The following RFC4 variants were observed in gnomAD, a reference collection of about 807,000 sequenced individuals.
RFC4 encodes the protein A1 37 kDa subunit.
Under a neutral mutation model 47.6 loss-of-function variants are expected in RFC4, and 38 were observed. The observed-to-expected ratio is 0.80, with a 90% CI of 0.62 to 1.05. The LOEUF is 1.05. RFC4 is among the 50% of genes least tolerant of loss of function. The pLI is 0.00. For synonymous variants in RFC4, 164 were observed against 150.0 expected (o/e 1.09, Z -0.68); for missense variants, 489 against 434.0 (o/e 1.13, Z -1.13).
At chr3:186,797,171 T>C (rs1722258395) in intron 4 of RFC4, among the ~76,000 whole-genome samples, 1 of 152,088 alleles carries the variant, frequency 6.6e-6, no homozygotes, top group South Asian at 2.1e-4. Context: ...GATTCTATCA[T>C]GTAGCCACAC....
Position 186,804,710 on chromosome 3 carries a change from G to C in RFC4, c.4C>G (p.Gln2Glu), listed in dbSNP as rs754151831. 2 of 1,612,300 alleles carry C rather than the reference G, an allele frequency of 1.2e-6. No homozygotes were observed. Among genetic ancestry groups the C allele is most frequent in the South Asian group, 2.2e-5 (2 of 90,582 alleles). The change falls in exon 2 of 11, where the codon CAA becomes GAA. Residue 2 changes from glutamine to glutamate, a missense_variant. Around this residue, in one of 2 missense-constraint regions of RFC4, gnomAD observed 206 missense variants for 257.8 expected, o/e 0.80. Coordinates refer to ENST00000296273, the MANE Select transcript of RFC4 (RefSeq NM_002916.5). M[Q>E]AFLKGTSIST... ...ATGGATGTACCTTTAAGAAATGCTT[G>C]CATGGTACTTCACCCTGGTCAGGTG...
intron 4 of RFC4, among the ~76,000 whole-genome samples, chr3:186,795,163 C>A (rs1722218195): frequency 1.3e-5 from 2 of 152,166 alleles, no homozygotes; most frequent in Non-Finnish European, 1.5e-5. Context: ...TGCCATCACA[C>A]CTGGCTAATT....
intron 4 of RFC4, chr3:186,794,998 A>C: frequency 2.0e-6 from 1 of 511,144 alleles, no homozygotes; most frequent in Non-Finnish European, 3.4e-6. Context: ...TAACATATAC[A>C]ATTTCTTTTC....
At chr3:186,798,510 T>C (rs1198578507) in intron 3 of RFC4, among the ~76,000 whole-genome samples, 1 of 152,066 alleles carries the variant, frequency 6.6e-6, no homozygotes, top group Non-Finnish European at 1.5e-5. Flanking sequence ...CTCTGCTTGC[T>C]ACTTAAAACT....
chr3:186,792,472 GTAA>G lies in RFC4; in HGVS notation c.675+15_675+17del. 5 of 1,597,254 alleles carry G rather than the reference GTAA, an allele frequency of 3.1e-6. No homozygotes were observed. The highest frequency in any genetic ancestry group is 4.3e-6 in the Non-Finnish European group (5 of 1,165,370). ...AAAGGAATTAGTAACTCTAATAATT[GTAA>G]TAATTAGTAATTACCTCATCACTAA... On this transcript the variant is annotated intron_variant, in intron 7 of 10. Transcript: ENST00000296273.
rs772209747 is a variant in RFC4, at chr3:186,794,638, G to C, written c.410+20C>G. 1.9e-6 allele frequency: 3 copies of C among 1,610,612 alleles called. No homozygotes were observed. Among genetic ancestry groups the C allele is most frequent in the African/African-American group, 2.7e-5 (2 of 74,782 alleles). ...TTAAAATAATACATGCTATGGAGGA[G>C]GGAGGGCAAATTTACTTACTCTGAG... On this transcript the variant is annotated intron_variant, in intron 5 of 10. Coordinates refer to ENST00000296273, the MANE Select transcript of RFC4 (RefSeq NM_002916.5).
Position 186,789,926 on chromosome 3 carries a change from C to T in RFC4, c.*43G>A, listed in dbSNP as rs1358301499. The stretch of plus-strand genomic sequence containing the variant: ...GCTTTTGGTCATTTTATTTTTATTA[C>T]AACTTCATTATTTACAAAACCCCCC... On this transcript the variant is annotated 3_prime_UTR_variant, in exon 11 of 11. Coordinates refer to ENST00000296273, the MANE Select transcript of RFC4 (RefSeq NM_002916.5). 2 of 1,232,592 alleles carry T rather than the reference C, an allele frequency of 1.6e-6. No homozygotes were observed. Among genetic ancestry groups the T allele is most frequent in the Non-Finnish European group, 2.3e-6 (2 of 851,374 alleles). 76.4% of individuals were successfully genotyped at this position (1,232,592 alleles called of 1,614,324 possible).
At chr3:186,805,381 C>T (rs1410899456) in intron 1 of RFC4, among the ~76,000 whole-genome samples, 1 of 152,070 alleles carries the variant, frequency 6.6e-6, no homozygotes, top group Admixed American at 6.6e-5. Flanking sequence ...CCACCACCCC[C>T]GGCTAATTTT....
intron 3 of RFC4, among the ~76,000 whole-genome samples, chr3:186,798,285 G>A (rs1054818045): frequency 1.3e-5 from 2 of 152,124 alleles, no homozygotes; most frequent in Admixed American, 6.6e-5. Context: ...TATCTAGCTA[G>A]TTTGGCTCCT....
intron 8 of RFC4, among the ~76,000 whole-genome samples, chr3:186,790,782 A>G (rs1722099655): frequency 6.6e-6 from 1 of 152,174 alleles, no homozygotes; most frequent in Non-Finnish European, 1.5e-5. Context: ...CCTTTCTCTC[A>G]ATGTCTCCAT....
intron 2 of RFC4, 140 bp downstream of exon 2, chr3:186,804,443 T>C: frequency 2.7e-6 from 2 of 746,462 alleles, no homozygotes; most frequent in Non-Finnish European, 4.2e-6. Flanking sequence ...ATGACTTATA[T>C]AAGTGGGTGA....
intron 1 of RFC4, chr3:186,804,960 G>A (rs1030758436): frequency 2.2e-5 from 8 of 359,162 alleles, no homozygotes. Context: ...AGTCCCTAAC[G>A]AACTTAGAAT....
At chr3:186,795,716 CCGG>C (rs1560091879) in intron 4 of RFC4, among the ~76,000 whole-genome samples, 1 of 152,078 alleles carries the variant, frequency 6.6e-6, no homozygotes, top group Non-Finnish European at 1.5e-5. Context: ...TTGCTTGAAC[CCGG>C]GATGTGGAGG....
intron 4 of RFC4, 146 bp downstream of exon 4, chr3:186,797,389 A>C (rs1246559832): frequency 2.3e-5 from 13 of 569,990 alleles, no homozygotes; most frequent in Non-Finnish European, 4.0e-5. Flanking sequence ...GGGAGGAACA[A>C]AATGGCTCAT....
intron 3 of RFC4, among the ~76,000 whole-genome samples, chr3:186,798,970 T>C (rs533070836): frequency 2.0e-5 from 3 of 152,348 alleles, no homozygotes; most frequent in African/African-American, 7.2e-5. Flanking sequence ...TAGACAAATA[T>C]GTTAATTAGA....
Position 186,793,121 on chromosome 3 carries a change from T to C in RFC4, c.411-174A>G, listed in dbSNP as rs1722177557. On this transcript the variant is annotated intron_variant, in intron 5 of 10. Transcript: ENST00000296273. The surrounding 1 kb of genome is among the most constrained non-coding windows in gnomAD (Gnocchi z 4.2). The stretch of plus-strand genomic sequence containing the variant: ...ACCACAATCTAATTTTAGAACATTT[T>C]TATCACTCCTAAAAGAAACTTTGTA... Among the ~76,000 whole-genome samples the C allele has an allele frequency of 6.6e-6, 1 of 152,234 alleles. No individual in the cohort carries two copies. Among genetic ancestry groups the C allele is most frequent in the Non-Finnish European group, 1.5e-5 (1 of 68,038 alleles).
At chr3:186,800,369 TTTC>T in intron 3 of RFC4, among the ~76,000 whole-genome samples, 1 of 152,336 alleles carries the variant, frequency 6.6e-6, no homozygotes, top group East Asian at 1.9e-4. Context: ...AGTAATATAA[TTTC>T]AGCAAGGGAA....
rs548813247 is a variant in RFC4, at chr3:186,804,475, T to C, written c.131+108A>G. On this transcript the variant is annotated intron_variant, in intron 2 of 10. Transcript: ENST00000296273. ...GTGATTTTTTTTCAAAGACAACTTC[T>C]AAACAGAACAAAGCATTCCTCCATA... 10 of 1,154,956 alleles carry C rather than the reference T, an allele frequency of 8.7e-6. No homozygotes were observed. In the East Asian group the frequency reaches 2.4e-4, roughly 28 times the overall value. 71.5% of individuals were successfully genotyped at this position (1,154,956 alleles called of 1,614,324 possible). A position where few individuals can be genotyped will look rare whatever the true frequency, so the allele number is the denominator to read the frequency against.
In RFC4 at chr3:186,790,120, CAT is replaced by C. The variant is rs781748990; in HGVS notation, c.996+20_996+21del. On this transcript the variant is annotated intron_variant, in intron 10 of 10. Transcript: ENST00000296273. Reference sequence around the variant, plus strand: ...TTCAGGTAGTTAAATGTTCCATTGACATGTGCAAAGTACCTACTTACGGCAAG... The same window carrying C: ...TTCAGGTAGTTAAATGTTCCATTGACGTGCAAAGTACCTACTTACGGCAAG... The C allele has an allele frequency of 1.3e-4, 212 of 1,604,150 alleles. No homozygotes were observed. Among genetic ancestry groups the C allele is most frequent in the African/African-American group, 1.2e-3 (92 of 74,844 alleles).
Sources: gnomAD v4.1 joint callset for allele counts (sites outside exome capture counted in the v4.1 genomes callset) on GRCh38, gnomAD v4.1.1 for gene constraint, gnomAD v4.1.1 regional missense constraint, Gnocchi (gnomAD v3.1) non-coding constraint, MANE v1.5 for transcripts, NCBI Gene and HGNC (gene_info 2026-07-23, HGNC 2026-07-21) for gene names.